TBC1D8: variants seen among roughly 807,000 people sequenced by gnomAD.
TBC1D8 encodes the protein BUB2-like protein 1.
Under a neutral mutation model 118.8 loss-of-function variants are expected in TBC1D8, and 65 were observed. That is an observed-to-expected ratio of 0.55 (90% CI 0.45 to 0.67). TBC1D8 has a LOEUF of 0.67. TBC1D8 is among the 30% of genes least tolerant of loss of function. TBC1D8 has a pLI of 0.00. For missense variants in TBC1D8, 1,376 were observed against 1,471.2 expected (o/e 0.94, Z 1.06); for synonymous variants, 566 against 595.8 (o/e 0.95, Z 0.73).
At chr2:101,116,391 C>T (rs760036352) in intron 1 of TBC1D8, among the ~76,000 whole-genome samples, 8 of 152,182 alleles carry the variant, frequency 5.3e-5, no homozygotes, top group Non-Finnish European at 1.2e-4. Context: ...CCTCACCTCT[C>T]TCAGGCTCAG....
chr2:101,116,293 G>GT (rs1402316274), intron 1 of TBC1D8, among the ~76,000 whole-genome samples: 5 of 152,278 alleles, frequency 3.3e-5, no homozygotes, highest in Non-Finnish European at 7.4e-5. Flanking sequence ...AAGAACCTAT[G>GT]TTTGGTCTAA....
At chr2:101,037,480 C>T in intron 8 of TBC1D8, 52 bp downstream of exon 8, 1 of 1,586,320 alleles carries the variant, frequency 6.3e-7, no homozygotes, top group Non-Finnish European at 8.6e-7. Context: ...GCAACCCCCC[C>T]AAGCCCACGG....
chr2:101,041,341 T>C (rs1681374191), intron 5 of TBC1D8, among the ~76,000 whole-genome samples: 1 of 152,148 alleles, frequency 6.6e-6, no homozygotes, highest in Admixed American at 6.5e-5. Context: ...CAATCAAATA[T>C]TGTTCAGCCA....
chr2:101,105,592 TAA>T (rs55649821), intron 1 of TBC1D8, among the ~76,000 whole-genome samples: 9 of 124,672 alleles, frequency 7.2e-5, no homozygotes, highest in Admixed American at 8.3e-5. Flanking sequence ...TGTCTCAAAT[TAA>T]AAAAAAAAAA....
chr2:101,028,607 G>T, intron 12 of TBC1D8, 175 bp from the exon 13 acceptor site: 1 of 931,598 alleles, frequency 1.1e-6, no homozygotes, highest in Non-Finnish European at 1.5e-6. Flanking sequence ...CATGAAGCCC[G>T]GCTTGTGGAT....
chr2:101,011,006 T>C lies in TBC1D8; in HGVS notation c.2938A>G (p.Lys980Glu), dbSNP rs1141419. ...KPNGDAVDYQ[K>E]QLKQMIKDLA... ...TCCTTAATCATCTGCTTCAGCTGTT[T>C]CTGATAATCAACTGCATCACCTTGA... Residue 980 changes from lysine to glutamate, a missense_variant, in exon 19 of 20, where the codon AAA becomes GAA. By Grantham distance (56) the Lys-to-Glu change is moderately conservative. Transcript: ENST00000409318. 6.2e-6 allele frequency: 10 copies of C among 1,612,756 alleles called. No homozygotes were observed. In the Admixed American group the frequency reaches 1.7e-4, roughly 27 times the overall value.
chr2:101,057,115 A>G lies in TBC1D8; in HGVS notation c.402+2306T>C, dbSNP rs1001309231. Among the ~76,000 whole-genome samples the G allele has an allele frequency of 7.4e-4, 113 of 152,204 alleles. 1 individual carries two copies. The highest frequency in any genetic ancestry group is 2.5e-3 in the African/African-American group (102 of 41,440). ...CCACTTTGGCATAAGGATTATTTTG[A>G]GCTGAAGAAAACTGAGAAACCACAA... On this transcript the variant is annotated intron_variant, in intron 3 of 19. Coordinates refer to ENST00000409318, the MANE Select transcript of TBC1D8 (RefSeq NM_001330348.2).
intron 3 of TBC1D8, among the ~76,000 whole-genome samples, chr2:101,059,149 T>C (rs906812200): frequency 1.3e-5 from 2 of 151,898 alleles, no homozygotes; most frequent in Admixed American, 6.6e-5. Flanking sequence ...CCTCGTGATC[T>C]GCCTGCCTCG....
chr2:101,111,480 C>T (rs1228547592), intron 1 of TBC1D8, among the ~76,000 whole-genome samples: 2 of 152,134 alleles, frequency 1.3e-5, no homozygotes, highest in Admixed American at 6.5e-5. Flanking sequence ...AGTGCAGGTC[C>T]GGAGGAGCAT....
At chr2:101,135,171 C>CA (rs1336620441) in intron 1 of TBC1D8, among the ~76,000 whole-genome samples, 2 of 150,618 alleles carry the variant, frequency 1.3e-5, no homozygotes, top group East Asian at 1.9e-4. Context: ...GACTCCGTCT[C>CA]AAAAAAAGAA....
At chr2:101,108,119 C>T (rs1364951910) in intron 1 of TBC1D8, among the ~76,000 whole-genome samples, 1 of 151,704 alleles carries the variant, frequency 6.6e-6, no homozygotes, top group African/African-American at 2.4e-5. Context: ...GGAGAATGTA[C>T]CCTTGATATG....
rs564319328 is a variant in TBC1D8, at chr2:101,045,777, T to C, written c.872+4624A>G. Among the ~76,000 whole-genome samples the C allele has an allele frequency of 2.6e-5, 4 of 152,234 alleles. No individual in the cohort carries two copies. The East Asian group carries it at 7.8e-4, about 30-fold the overall frequency. ...GGGAGGCCGAGGCGAGAGGATCACT[T>C]GAGACCAGGCGTTCAAGACCAGCCT... On this transcript the variant is annotated intron_variant, in intron 5 of 19. Coordinates refer to ENST00000409318, the MANE Select transcript of TBC1D8 (RefSeq NM_001330348.2).
intron 1 of TBC1D8, among the ~76,000 whole-genome samples, chr2:101,098,932 C>T (rs977479615): frequency 1.3e-5 from 2 of 151,854 alleles, no homozygotes; most frequent in South Asian, 2.1e-4. Context: ...AATCAATACC[C>T]TAACATCACA....
At chr2:101,129,179 GC>G (rs1678478640) in intron 1 of TBC1D8, among the ~76,000 whole-genome samples, 4 of 151,860 alleles carry the variant, frequency 2.6e-5, no homozygotes, top group Admixed American at 2.6e-4. Context: ...TTGTTCTGTC[GC>G]CCAGGTTGGA....
At chr2:101,034,780 A>G (rs991275889) in intron 9 of TBC1D8, among the ~76,000 whole-genome samples, 1 of 152,204 alleles carries the variant, frequency 6.6e-6, no homozygotes, top group Admixed American at 6.5e-5. Flanking sequence ...TTATTTTTCA[A>G]CTATGAATGT....
intron 1 of TBC1D8, among the ~76,000 whole-genome samples, chr2:101,120,101 G>A (rs980806064): frequency 6.6e-6 from 1 of 152,068 alleles, no homozygotes; most frequent in Non-Finnish European, 1.5e-5. Context: ...CACCAACACC[G>A]AGGTGGGGGT....
At chr2:101,050,819 A>G (rs943551188) in intron 4 of TBC1D8, among the ~76,000 whole-genome samples, 178 bp from the exon 5 acceptor site, 2 of 152,176 alleles carry the variant, frequency 1.3e-5, no homozygotes, top group Admixed American at 1.3e-4. Flanking sequence ...AGGTAAACTC[A>G]TGTCATGCGG....
chr2:101,025,782 C>T (rs552820778), intron 15 of TBC1D8, among the ~76,000 whole-genome samples: 10 of 152,320 alleles, frequency 6.6e-5, no homozygotes, highest in East Asian at 1.9e-4. Flanking sequence ...ATACACAAGG[C>T]GCCGTTTCAG....
chr2:101,078,806 T>C (rs1271684683), intron 2 of TBC1D8, among the ~76,000 whole-genome samples: 1 of 144,536 alleles, frequency 6.9e-6, no homozygotes, highest in Non-Finnish European at 1.5e-5. Context: ...CTCCTACCTA[T>C]GAGGAAAATA....
Sources: allele counts gnomAD v4.1 joint callset (sites outside exome capture counted in the v4.1 genomes callset), GRCh38; gene constraint gnomAD v4.1.1; transcripts MANE v1.5; gene names NCBI Gene and HGNC (gene_info 2026-07-23, HGNC 2026-07-21).